The following PAXBP1 variants were observed in gnomAD, a reference collection of about 807,000 sequenced individuals.
PAXBP1 encodes the protein PAX3- and PAX7-binding protein 1.
PAXBP1 carries 44 observed loss-of-function variants against 119.9 expected under a neutral mutation model. That is an observed-to-expected ratio of 0.37 (90% CI 0.29 to 0.47). PAXBP1 has a LOEUF of 0.47. Among genes scored for constraint, PAXBP1 ranks in the 20% least tolerant of loss-of-function variants. PAXBP1 has a pLI of 0.99. For synonymous variants in PAXBP1, 393 were observed against 406.6 expected (o/e 0.97, Z 0.40); for missense variants, 898 against 1,134.1 (o/e 0.79, Z 2.99).
At chr21:32,763,777 G>C (rs572060866) in intron 3 of PAXBP1, among the ~76,000 whole-genome samples, 37 of 152,192 alleles carry the variant, frequency 2.4e-4, no homozygotes, top group Admixed American at 5.2e-4. Context: ...CCTGAGTTTG[G>C]GAGTTCAAGA....
In PAXBP1 at chr21:32,741,510, C is replaced by T; in HGVS notation, c.2334+1738G>A. ...GGACAAAAAGGTATGATCTACTGCT[C>T]AAGAGAAGACAACACAAGGCCTGTC... On this transcript the variant is annotated intron_variant, in intron 15 of 17. Transcript: ENST00000331923. 3.9e-6 allele frequency: 3 copies of T among 777,270 alleles called. No individual in the cohort carries two copies. In the South Asian group the frequency reaches 4.1e-5, roughly 10 times the overall value. The allele number at this position is 777,270 out of a possible 1,614,324, so 48.1% of individuals were successfully genotyped here.
Position 32,743,316 on chromosome 21 carries a change from T to C in PAXBP1, c.2268-2A>G. The C allele has an allele frequency of 6.5e-7, 1 of 1,547,862 alleles. No homozygotes were observed. Among genetic ancestry groups the C allele is most frequent in the Non-Finnish European group, 8.7e-7 (1 of 1,152,474 alleles). ...CCAGAATTTTTATTTTCTAAGACAC[T>C]AAGTAAAAAAAAGAGAAACATATCA... On this transcript the variant is annotated splice_acceptor_variant, in intron 14 of 17. Transcript: ENST00000331923. LOFTEE classifies it high-confidence loss of function.
chr21:32,752,467 G>A (rs1431061887), intron 8 of PAXBP1, among the ~76,000 whole-genome samples: 1 of 152,080 alleles, frequency 6.6e-6, no homozygotes, highest in Non-Finnish European at 1.5e-5. Context: ...GGAGGGAGGT[G>A]AGCACATGCA....
At chr21:32,739,133 A>T (rs2043735945) in intron 15 of PAXBP1, among the ~76,000 whole-genome samples, 1 of 152,202 alleles carries the variant, frequency 6.6e-6, no homozygotes, top group South Asian at 2.1e-4. Context: ...CCTACAGAAA[A>T]TGATTTGTGT....
In PAXBP1 at chr21:32,760,009, G is replaced by A; in HGVS notation, c.976-15C>T. ...CTGGCTTGAACCTAGAAAAGAAATGGGATATAGATGAAATCTGGTAGTTAA... is the reference window on the plus strand; with the variant it reads ...CTGGCTTGAACCTAGAAAAGAAATGAGATATAGATGAAATCTGGTAGTTAA... On this transcript the variant is annotated splice_polypyrimidine_tract_variant and intron_variant, in intron 5 of 17. Transcript: ENST00000331923. 6.3e-7 allele frequency: 1 copy of A among 1,582,000 alleles called. No individual in the cohort carries two copies.
intron 1 of PAXBP1, among the ~76,000 whole-genome samples, chr21:32,770,812 G>C (rs1182221281): frequency 6.6e-6 from 1 of 152,162 alleles, no homozygotes; most frequent in East Asian, 1.9e-4. Context: ...GAGGCTCAGC[G>C]ACTGCAAGGG....
chr21:32,764,296 G>A lies in PAXBP1; in HGVS notation c.649+52C>T. On this transcript the variant is annotated intron_variant, in intron 3 of 17. Coordinates refer to ENST00000331923, the MANE Select transcript of PAXBP1 (RefSeq NM_016631.4). ...TTCTTAATAATCATCTTTAAAGATG[G>A]CCCATTCTTGAGGGTTTAGTTTAGT... 3.3e-6 allele frequency: 5 copies of A among 1,530,132 alleles called. No individual in the cohort carries two copies. The East Asian group carries it at 9.3e-5, about 28-fold the overall frequency. The allele number at this position is 1,530,132 out of a possible 1,614,324, so 94.8% of individuals were successfully genotyped here. A position where few individuals can be genotyped will look rare whatever the true frequency, so the allele number is the denominator to read the frequency against.
chr21:32,736,955 CAA>C (rs1381713595), intron 17 of PAXBP1, among the ~76,000 whole-genome samples: 1 of 152,162 alleles, frequency 6.6e-6, no homozygotes, highest in Admixed American at 6.5e-5. Flanking sequence ...AAACTCCAAA[CAA>C]GAGAGTCTGA....
At chr21:32,771,067 C>T (rs1445646758) in intron 1 of PAXBP1, among the ~76,000 whole-genome samples, 2 of 152,230 alleles carry the variant, frequency 1.3e-5, no homozygotes, top group South Asian at 2.1e-4. Context: ...CCGAATTTCC[C>T]CTGAAACACT....
chr21:32,736,346 A>C (rs1200137271), intron 17 of PAXBP1, among the ~76,000 whole-genome samples: 3 of 151,816 alleles, frequency 2.0e-5, no homozygotes, highest in Non-Finnish European at 4.4e-5. Flanking sequence ...GCACCACCAC[A>C]CCCAGCTAAT....
chr21:32,760,904 T>TGC (rs935839562), intron 5 of PAXBP1, among the ~76,000 whole-genome samples, 155 bp downstream of exon 5: 188 of 142,270 alleles, frequency 1.3e-3, no homozygotes, highest in African/African-American at 4.4e-3. Context: ...CGTGCGTGCG[T>TGC]GTGTGTGTGT....
In PAXBP1 at chr21:32,734,871, T is replaced by G. The variant is rs1177926180; in HGVS notation, c.*79A>C. 5.8e-6 allele frequency: 6 copies of G among 1,028,068 alleles called. No individual in the cohort carries two copies. Among genetic ancestry groups the G allele is most frequent in the Non-Finnish European group, 9.2e-6 (6 of 654,904 alleles). The allele number at this position is 1,028,068 out of a possible 1,614,324, so 63.7% of individuals were successfully genotyped here. A position where few individuals can be genotyped will look rare whatever the true frequency, so the allele number is the denominator to read the frequency against. ...TAAAACAAGAATTGCTATTTTACAG[T>G]TTAAGAAACTTTACATATATACAAA... On this transcript the variant is annotated 3_prime_UTR_variant, in exon 18 of 18. Coordinates refer to ENST00000331923, the MANE Select transcript of PAXBP1 (RefSeq NM_016631.4).
chr21:32,753,304 A>T (rs943436680), intron 8 of PAXBP1, among the ~76,000 whole-genome samples: 1 of 151,944 alleles, frequency 6.6e-6, no homozygotes, highest in African/African-American at 2.4e-5. Flanking sequence ...TAAAAAAAAT[A>T]CAAAAATCAG....
chr21:32,744,085 G>A (rs971292059), intron 13 of PAXBP1, among the ~76,000 whole-genome samples: 1 of 151,930 alleles, frequency 6.6e-6, no homozygotes. Flanking sequence ...TCTATGAATG[G>A]CCCCTGAAGA....
At chr21:32,761,933 G>A (rs1229338715) in intron 4 of PAXBP1, among the ~76,000 whole-genome samples, 163 bp downstream of exon 4, 2 of 152,210 alleles carry the variant, frequency 1.3e-5, no homozygotes, top group African/African-American at 4.8e-5. Flanking sequence ...AGCTACTCGA[G>A]AGGCTGAGAC....
chr21:32,759,640 T>A (rs1382383061), intron 6 of PAXBP1, 137 bp downstream of exon 6: 1 of 760,968 alleles, frequency 1.3e-6, no homozygotes, highest in African/African-American at 1.8e-5. Context: ...AAGTATGAAG[T>A]CATCTTCTGT....
At chr21:32,761,199 CCAAAGAG>C in intron 4 of PAXBP1, 37 bp from the exon 5 acceptor site, 1 of 1,511,912 alleles carries the variant, frequency 6.6e-7, no homozygotes, top group Non-Finnish European at 9.2e-7. Flanking sequence ...TAAGTAACAC[CCAAAGAG>C]CAAAGAGGTA....
At chr21:32,765,606 C>G (rs1195746071) in intron 2 of PAXBP1, among the ~76,000 whole-genome samples, 1 of 152,176 alleles carries the variant, frequency 6.6e-6, no homozygotes, top group Non-Finnish European at 1.5e-5. Flanking sequence ...CTTCTCAAAC[C>G]ATACTGTACT....
In PAXBP1 at chr21:32,737,263, CT is replaced by C; in HGVS notation, c.2626del (p.Arg876GlufsTer7). On this transcript the variant is annotated frameshift_variant, in exon 17 of 18. Coordinates refer to ENST00000331923, the MANE Select transcript of PAXBP1 (RefSeq NM_016631.4). LOFTEE classifies it high-confidence loss of function. ...NSIGCSDVEK[R>X]NARENIKQIV... ...TTAATTACAAAATTACCTTGCATTT[CT>C]TTTTTCCACATCAGAACACCCGATA... 2.0e-6 allele frequency: 3 copies of C among 1,521,984 alleles called. No individual in the cohort carries two copies. Among genetic ancestry groups the C allele is most frequent in the South Asian group, 1.3e-5 (1 of 77,826 alleles). 94.3% of individuals were successfully genotyped at this position (1,521,984 alleles called of 1,614,324 possible). A position where few individuals can be genotyped will look rare whatever the true frequency, so the allele number is the denominator to read the frequency against.
Sources: gnomAD v4.1 joint callset for allele counts (sites outside exome capture counted in the v4.1 genomes callset) on GRCh38, gnomAD v4.1.1 for gene constraint, MANE v1.5 for transcripts, NCBI Gene and HGNC (gene_info 2026-07-23, HGNC 2026-07-21) for gene names.